The following EIF4G3 variants were observed in gnomAD, a reference collection of about 807,000 sequenced individuals.
The protein encoded by EIF4G3 is eIF-4-gamma 3.
Under a neutral mutation model 186.4 loss-of-function variants are expected in EIF4G3, and 34 were observed. The ratio of observed to expected loss-of-function variants is 0.18; its 90% CI spans 0.14 to 0.24. The LOEUF (loss-of-function observed/expected upper bound fraction) is 0.24. Among genes scored for constraint, EIF4G3 ranks in the 10% least tolerant of loss-of-function variants. The probability of loss-of-function intolerance (pLI) is 1.00; values close to 1 mark genes in which losing one functional copy is unlikely to be tolerated. For synonymous variants in EIF4G3, 673 were observed against 679.5 expected (o/e 0.99, Z 0.15); for missense variants, 1,536 against 1,948.5 (o/e 0.79, Z 3.99).
chr1:21,148,518 C>T (rs759562053), intron 2 of EIF4G3, among the ~76,000 whole-genome samples: 3 of 151,910 alleles, frequency 2.0e-5, no homozygotes, highest in East Asian at 1.9e-4. Flanking sequence ...CTGACTAACA[C>T]GGTGAAACCC....
At chr1:21,171,374 G>A (rs1414052382) in intron 2 of EIF4G3, among the ~76,000 whole-genome samples, 3 of 152,046 alleles carry the variant, frequency 2.0e-5, no homozygotes, top group Non-Finnish European at 4.4e-5. Context: ...TCATCACCCA[G>A]AACAAGCCAG....
chr1:21,137,548 C>T (rs1255167965), intron 2 of EIF4G3, among the ~76,000 whole-genome samples: 1 of 152,078 alleles, frequency 6.6e-6, no homozygotes, highest in East Asian at 1.9e-4. Flanking sequence ...GTGGCTCATG[C>T]CTGTAATCCC....
Position 21,140,279 on chromosome 1 carries a change from T to C in EIF4G3, c.-272+35896A>G, listed in dbSNP as rs534507080. Among the ~76,000 whole-genome samples the C allele has an allele frequency of 3.3e-5, 5 of 152,306 alleles. No individual in the cohort carries two copies. In the South Asian group the frequency reaches 1.0e-3, roughly 32 times the overall value. ...ATAGGAACAATAAAATGTTCTTCCT[T>C]TCACTAAAATTGAAGGTCCCAGTAG... is the stretch of plus-strand genomic sequence containing the variant. On this transcript the variant is annotated intron_variant, in intron 2 of 36. Coordinates refer to ENST00000602326, the MANE Select transcript of EIF4G3 (RefSeq NM_001391906.1).
rs78450713 is a variant in EIF4G3, at chr1:20,997,918, A to T, written c.145-285T>A. 2.1e-4 allele frequency among the ~76,000 whole-genome samples: 12 copies of T among 56,214 alleles called. No homozygotes were observed. The highest frequency in any genetic ancestry group is 2.9e-4 in the Non-Finnish European group (6 of 20,704). 36.9% of individuals were successfully genotyped at this position (56,214 alleles called of 152,430 possible). ...AAGGTACTCTCTGATAGGATTATTTAAAAAAAAAAAAAAACCCTAAAATAA... is the reference window on the plus strand; with the variant it reads ...AAGGTACTCTCTGATAGGATTATTTTAAAAAAAAAAAAAACCCTAAAATAA... On this transcript the variant is annotated intron_variant, in intron 6 of 36. Transcript: ENST00000602326.
At chr1:21,051,507 C>T (rs1484115522) in intron 3 of EIF4G3, among the ~76,000 whole-genome samples, 2 of 152,060 alleles carry the variant, frequency 1.3e-5, no homozygotes, top group African/African-American at 4.8e-5. Context: ...TAAATCTAAA[C>T]TCCAAAAATG....
chr1:20,890,478 T>C (rs989501469), intron 18 of EIF4G3, among the ~76,000 whole-genome samples: 2 of 152,192 alleles, frequency 1.3e-5, no homozygotes, highest in Non-Finnish European at 2.9e-5. Context: ...AGCCTCACTC[T>C]GTTGCCCAGG....
chr1:20,812,908 G>C (rs1208656346), intron 35 of EIF4G3, among the ~76,000 whole-genome samples: 4 of 152,186 alleles, frequency 2.6e-5, no homozygotes, highest in African/African-American at 9.7e-5. Flanking sequence ...TACACGCAAC[G>C]TAGTGAAAAA....
rs778494030 is a variant in EIF4G3 at position 20,969,631 on chromosome 1, G to A, written c.592-35C>T. The A allele has an allele frequency of 1.4e-5, 23 of 1,602,916 alleles. No individual in the cohort carries two copies. In the Admixed American group the frequency reaches 3.7e-4, roughly 26 times the overall value. On this transcript the variant is annotated intron_variant, in intron 11 of 36. Transcript: ENST00000602326. ...TAAATAAAATGACATATGTACAGAT[G>A]AGTGTCTGTGTAGCAAATTTATAGG...
chr1:20,949,911 GATGCTGTACTCTTACTCTTGA>G, intron 13 of EIF4G3, 71 bp downstream of exon 13: 3 of 1,068,014 alleles, frequency 2.8e-6, no homozygotes. Flanking sequence ...ATAATCCTTG[GATGCTGTACTCTTACTCTTGA>G]ATGCTGACGG....
chr1:20,872,045 G>A (rs1454612771), intron 20 of EIF4G3, among the ~76,000 whole-genome samples: 1 of 151,892 alleles, frequency 6.6e-6, no homozygotes. Context: ...GGTATCCATT[G>A]TCCAAATGTG....
intron 33 of EIF4G3, among the ~76,000 whole-genome samples, chr1:20,824,131 T>C (rs938699570): frequency 4.6e-5 from 7 of 152,232 alleles, no homozygotes; most frequent in African/African-American, 1.7e-4. Flanking sequence ...CTCTGGCTTT[T>C]CCCCCTCATT....
At chr1:20,895,601 T>C in intron 16 of EIF4G3, 100 bp from the exon 17 acceptor site, 1 of 1,284,946 alleles carries the variant, frequency 7.8e-7, no homozygotes, top group Non-Finnish European at 1.1e-6. Flanking sequence ...CATATACAAC[T>C]GCATATACAA....
chr1:20,837,538 T>C (rs972048852), intron 30 of EIF4G3, among the ~76,000 whole-genome samples: 6 of 152,166 alleles, frequency 3.9e-5, no homozygotes, highest in African/African-American at 7.2e-5. Flanking sequence ...AGAGTTATCA[T>C]TGGCTTGGCG....
chr1:20,840,894 T>C lies in EIF4G3; in HGVS notation c.4023A>G (p.Val1341=). ...DHMGQLLYQL[V]QSEKLSKQDF... Reference sequence around the variant, plus strand: ...CCTGTTTGCTGAGTTTTTCTGACTGTACCAGCTGATAGAGTAATTGGCCCA... The same window carrying C: ...CCTGTTTGCTGAGTTTTTCTGACTGCACCAGCTGATAGAGTAATTGGCCCA... The change falls in exon 30 of 37, where the codon GTA becomes GTG. Residue 1341 remains valine (V), a synonymous_variant. Transcript: ENST00000602326. 6.2e-7 allele frequency: 1 copy of C among 1,614,198 alleles called. No individual in the cohort carries two copies. The highest frequency in any genetic ancestry group is 8.5e-7 in the Non-Finnish European group (1 of 1,180,038).
At chr1:20,834,058 C>T (rs531038921) in intron 30 of EIF4G3, among the ~76,000 whole-genome samples, 130 of 152,228 alleles carry the variant, frequency 8.5e-4, no homozygotes, top group Non-Finnish European at 1.4e-3. Flanking sequence ...AAACAAATTA[C>T]AAAATGGCAG....
chr1:21,136,954 A>G (rs1338184348), intron 2 of EIF4G3, among the ~76,000 whole-genome samples: 2 of 152,210 alleles, frequency 1.3e-5, no homozygotes, highest in Admixed American at 1.3e-4. Context: ...CTTAGTACAA[A>G]GAATGTAAAA....
At chr1:20,911,007 G>T (rs1433913057) in intron 14 of EIF4G3, among the ~76,000 whole-genome samples, 2 of 152,150 alleles carry the variant, frequency 1.3e-5, no homozygotes, top group Non-Finnish European at 2.9e-5. Context: ...TTTTAAAGTT[G>T]ATTTTCATTC....
At chr1:21,010,082 GTGAC>G (rs2086544029) in intron 4 of EIF4G3, among the ~76,000 whole-genome samples, 1 of 152,166 alleles carries the variant, frequency 6.6e-6, no homozygotes, top group African/African-American at 2.4e-5. Flanking sequence ...CACTTGAAAT[GTGAC>G]TGATGAAACT....
chr1:21,080,601 C>T (rs951911735), intron 3 of EIF4G3, among the ~76,000 whole-genome samples: 5 of 152,054 alleles, frequency 3.3e-5, no homozygotes, highest in African/African-American at 7.2e-5. Context: ...CCTCTGCCTC[C>T]GGGGTTCAAG....
Sources: allele counts gnomAD v4.1 joint callset (sites outside exome capture counted in the v4.1 genomes callset), GRCh38; gene constraint gnomAD v4.1.1; transcripts MANE v1.5; gene names NCBI Gene and HGNC (gene_info 2026-07-23, HGNC 2026-07-21).